AGO4: variants seen among roughly 807,000 people sequenced by gnomAD.
AGO4 encodes the protein argonaute RISC component 4, also known as protein argonaute-4.
A neutral mutation model predicts 104.7 loss-of-function variants in AGO4; 33 were observed. That is an observed-to-expected ratio of 0.32 (90% CI 0.24 to 0.42). AGO4 has a LOEUF of 0.42. Among genes scored for constraint, AGO4 ranks in the 10% least tolerant of loss-of-function variants. The probability of loss-of-function intolerance (pLI) is 1.00; values close to 1 mark genes in which losing one functional copy is unlikely to be tolerated. For synonymous variants in AGO4, 331 were observed against 364.7 expected (o/e 0.91, Z 1.05); for missense variants, 711 against 1,083.4 (o/e 0.66, Z 4.83).
rs754653350 is a variant in AGO4, at chr1:35,825,517, T to C, written c.488+23T>C. 5 of 1,601,140 alleles carry C rather than the reference T, an allele frequency of 3.1e-6. No homozygotes were observed. The East Asian group carries it at 9.0e-5, about 29-fold the overall frequency. ...GAGGTTAGTACCTTGGTTTGGATTA[T>C]TTCCTACAAATGTCAGACTTTTTTG... is the stretch of plus-strand genomic sequence containing the variant. On this transcript the variant is annotated intron_variant, in intron 4 of 17. Coordinates refer to ENST00000373210, the MANE Select transcript of AGO4 (RefSeq NM_017629.4).
chr1:35,828,895 A>T (rs992549871), intron 7 of AGO4, among the ~76,000 whole-genome samples: 1 of 152,306 alleles, frequency 6.6e-6, no homozygotes, highest in South Asian at 2.1e-4. Flanking sequence ...TTTAAAAATT[A>T]TATCTGTATC....
chr1:35,817,283 G>A (rs1038962320), intron 2 of AGO4, among the ~76,000 whole-genome samples: 7 of 152,026 alleles, frequency 4.6e-5, no homozygotes, highest in South Asian at 2.1e-4. Context: ...AAGAAAGGTC[G>A]CTCTTTCATT....
At chr1:35,814,613 A>T (rs1643630005) in intron 1 of AGO4, among the ~76,000 whole-genome samples, 1 of 152,088 alleles carries the variant, frequency 6.6e-6, no homozygotes, top group Admixed American at 6.6e-5. Context: ...GTGGTTTCTT[A>T]TACTTGCTCT....
intron 17 of AGO4, among the ~76,000 whole-genome samples, chr1:35,853,106 C>A (rs1644742236): frequency 6.6e-6 from 1 of 151,944 alleles, no homozygotes; most frequent in Non-Finnish European, 1.5e-5. Context: ...AAAAAATCAG[C>A]CGGGTGTGGT....
intron 12 of AGO4, 54 bp downstream of exon 12, chr1:35,834,228 A>T (rs1644251805): frequency 7.1e-7 from 1 of 1,399,058 alleles, no homozygotes. Flanking sequence ...TAGATATAAC[A>T]GTCAGGATAA....
In AGO4 at chr1:35,854,392, T is replaced by C. The variant is rs936986807; in HGVS notation, c.*787T>C. The C allele has an allele frequency of 3.9e-5, 6 of 152,704 alleles. No homozygotes were observed. Among genetic ancestry groups the C allele is most frequent in the Non-Finnish European group, 8.8e-5 (6 of 68,054 alleles). 9.5% of individuals were successfully genotyped at this position (152,704 alleles called of 1,614,324 possible). On this transcript the variant is annotated 3_prime_UTR_variant, in exon 18 of 18. Transcript: ENST00000373210. The stretch of plus-strand genomic sequence containing the variant: ...ATTTGGAAAAAAAAATTGCTTTTAG[T>C]ATTTTTCCAAGTTTTCAAAAGTGCC...
chr1:35,828,982 A>G (rs575522010), intron 7 of AGO4, among the ~76,000 whole-genome samples: 3 of 152,184 alleles, frequency 2.0e-5, no homozygotes, highest in Non-Finnish European at 2.9e-5. Context: ...AATATACAGT[A>G]TACACTTTAC....
At chr1:35,836,597 G>A (rs932148974) in intron 13 of AGO4, among the ~76,000 whole-genome samples, 5 of 152,318 alleles carry the variant, frequency 3.3e-5, no homozygotes, top group Middle Eastern at 6.8e-3. Flanking sequence ...TTTTAGTAGA[G>A]ACGGGGTTTC....
intron 7 of AGO4, among the ~76,000 whole-genome samples, chr1:35,829,087 A>T (rs1644111410): frequency 6.7e-6 from 1 of 149,776 alleles, no homozygotes; most frequent in Non-Finnish European, 1.5e-5. Flanking sequence ...TAGATTCATG[A>T]TTCTTAATTT....
chr1:35,849,189 T>C (rs1644642459), intron 15 of AGO4, among the ~76,000 whole-genome samples: 2 of 152,126 alleles, frequency 1.3e-5, no homozygotes, highest in African/African-American at 2.4e-5. Context: ...TCTGTAGAGT[T>C]TTTGCTTGGA....
At chr1:35,817,629 T>A (rs1440482587) in intron 2 of AGO4, among the ~76,000 whole-genome samples, 3 of 152,192 alleles carry the variant, frequency 2.0e-5, no homozygotes, top group Non-Finnish European at 4.4e-5. Context: ...TAGCAAATAT[T>A]CTTACAGTGT....
At chr1:35,819,502 G>C (rs1643837741) in intron 2 of AGO4, among the ~76,000 whole-genome samples, 1 of 151,824 alleles carries the variant, frequency 6.6e-6, no homozygotes, top group African/African-American at 2.4e-5. Flanking sequence ...GGCCGAGGTG[G>C]GTGGATCACG....
At position 35,833,105 on chromosome 1, in the gene AGO4, C is replaced by T. The variant is rs184493732; in HGVS notation, c.1379+535C>T. ...ATCATCCTGGCCAACATGGTGAAAC[C>T]CCGTCTCTACTAAAATACAAAAAAT... On this transcript the variant is annotated intron_variant, in intron 11 of 17. Transcript: ENST00000373210. 5.2e-3 allele frequency among the ~76,000 whole-genome samples: 793 copies of T among 151,886 alleles called. 4 individuals are homozygous for T. The highest frequency in any genetic ancestry group is 0.02 in the Middle Eastern group (6 of 294).
At chr1:35,816,830 G>GAAAA in intron 1 of AGO4, 52 bp from the exon 2 acceptor site, 1 of 1,326,422 alleles carries the variant, frequency 7.5e-7, no homozygotes, top group African/African-American at 1.6e-5. Context: ...AAGAAAGAAA[G>GAAAA]AAAGAAAAAG....
At chr1:35,835,054 A>G (rs1644277362) in intron 12 of AGO4, among the ~76,000 whole-genome samples, 1 of 126,714 alleles carries the variant, frequency 7.9e-6, no homozygotes, top group African/African-American at 3.0e-5. Flanking sequence ...TCTGTCATCC[A>G]GGCTGTAGTG....
chr1:35,842,663 G>C (rs111979272), intron 15 of AGO4, among the ~76,000 whole-genome samples: 2 of 152,080 alleles, frequency 1.3e-5, no homozygotes, highest in Admixed American at 1.3e-4. Context: ...TTAGCTGGGC[G>C]TAATGGTGCA....
intron 3 of AGO4, among the ~76,000 whole-genome samples, chr1:35,823,764 A>T (rs1643941853): frequency 6.7e-6 from 1 of 149,486 alleles, no homozygotes; most frequent in African/African-American, 2.5e-5. Context: ...TTTTTTTTTT[A>T]GTACAGATGG....
At chr1:35,836,107 T>C in intron 13 of AGO4, 114 bp downstream of exon 13, 1 of 1,131,142 alleles carries the variant, frequency 8.8e-7, no homozygotes, top group African/African-American at 1.6e-5. Context: ...TGTATATATA[T>C]GCACCCATAT....
Position 35,811,548 on chromosome 1 carries a change from T to G in AGO4, c.19+3113T>G, listed in dbSNP as rs144894489. 5.0e-4 allele frequency among the ~76,000 whole-genome samples: 76 copies of G among 152,262 alleles called. 2 individuals carry two copies. In the East Asian group the frequency reaches 0.014, roughly 29 times the overall value. ...ATTATAACGTTTACAAATGCAATTA[T>G]AATAGCTAACATTTACTGAGCGTTT... On this transcript the variant is annotated intron_variant, in intron 1 of 17. Coordinates refer to ENST00000373210, the MANE Select transcript of AGO4 (RefSeq NM_017629.4).
Sources: allele counts gnomAD v4.1 joint callset (sites outside exome capture counted in the v4.1 genomes callset), GRCh38; gene constraint gnomAD v4.1.1; transcripts MANE v1.5; gene names NCBI Gene and HGNC (gene_info 2026-07-23, HGNC 2026-07-21).